Variants in MRPS27 observed in about 807,000 individuals in gnomAD.
MRPS27 encodes the protein small ribosomal subunit protein mS27.
MRPS27 carries 43 observed loss-of-function variants against 48.9 expected under a neutral mutation model. That is an observed-to-expected ratio of 0.88 (90% confidence interval 0.69 to 1.13). The LOEUF is 1.13. Ranked by LOEUF, MRPS27 falls within the 50% of genes most tolerant of loss-of-function variation. The probability of loss-of-function intolerance (pLI) is 0.00; values close to 1 mark genes in which losing one functional copy is unlikely to be tolerated. For missense variants in MRPS27, 467 were observed against 476.3 expected (o/e 0.98, Z 0.18); for synonymous variants, 188 against 171.9 (o/e 1.09, Z -0.73).
At chr5:72,258,679 C>T (rs1412246777) in intron 4 of MRPS27, among the ~76,000 whole-genome samples, 3 of 152,096 alleles carry the variant, frequency 2.0e-5, no homozygotes, top group East Asian at 1.9e-4. Flanking sequence ...AATCAAGGTG[C>T]CATCTTGGAA....
At chr5:72,243,949 A>T (rs947113122) in intron 4 of MRPS27, among the ~76,000 whole-genome samples, 1 of 152,170 alleles carries the variant, frequency 6.6e-6, no homozygotes, top group Admixed American at 6.5e-5. Context: ...TTGCTGGTCA[A>T]TTTAAGCAAA....
chr5:72,272,715 T>C (rs1171591873), intron 4 of MRPS27, among the ~76,000 whole-genome samples: 1 of 152,142 alleles, frequency 6.6e-6, no homozygotes. Context: ...GAGTCTGCCA[T>C]GGAACCTGAA....
chr5:72,245,297 C>T (rs575034986), intron 4 of MRPS27, among the ~76,000 whole-genome samples: 1 of 152,160 alleles, frequency 6.6e-6, no homozygotes, highest in African/African-American at 2.4e-5. Context: ...AACTGGATCC[C>T]GGAACCAGTC....
In MRPS27 at chr5:72,297,644, T is replaced by C. The variant is rs148849864; in HGVS notation, c.210A>G (p.Leu70=). 4.3e-4 allele frequency: 679 copies of C among 1,594,904 alleles called. 3 individuals carry two copies. In the African/African-American group the frequency reaches 8.2e-3, roughly 19 times the overall value. ...TFERKLPVSS[L]TISRLIDNIS... ...AAAATTTTCTTACCCGTGATATTGTTAAAGAACTAACAGGCAACTTTCTCT... is the reference window on the plus strand; with the variant it reads ...AAAATTTTCTTACCCGTGATATTGTCAAAGAACTAACAGGCAACTTTCTCT... Residue 70 remains leucine (L), a synonymous_variant, in exon 3 of 11, where the codon TTA becomes TTG. Coordinates refer to ENST00000261413, the MANE Select transcript of MRPS27 (RefSeq NM_015084.3).
chr5:72,261,560 C>T (rs1364516722), intron 4 of MRPS27, among the ~76,000 whole-genome samples: 1 of 151,284 alleles, frequency 6.6e-6, no homozygotes, highest in Non-Finnish European at 1.5e-5. Context: ...TGCTATCCTG[C>T]ACTTTTGTAC....
intron 4 of MRPS27, among the ~76,000 whole-genome samples, chr5:72,246,034 C>T (rs1748504196): frequency 6.6e-6 from 1 of 152,106 alleles, no homozygotes; most frequent in Non-Finnish European, 1.5e-5. Flanking sequence ...TCTACTGACT[C>T]CTCTATTAAG....
At chr5:72,227,853 A>T (rs1045182684) in intron 8 of MRPS27, 3 of 195,736 alleles carry the variant, frequency 1.5e-5, no homozygotes, top group African/African-American at 6.9e-5. Context: ...TGAAAACAAT[A>T]CCAAAGATAC....
intron 5 of MRPS27, among the ~76,000 whole-genome samples, chr5:72,234,507 C>A (rs1349415679): frequency 6.6e-6 from 1 of 151,878 alleles, no homozygotes; most frequent in Non-Finnish European, 1.5e-5. Context: ...AAAAAAGAAA[C>A]CCACACAACC....
rs532480218 is a variant in MRPS27, at chr5:72,308,168, C to T, written c.151+5913G>A. On this transcript the variant is annotated intron_variant, in intron 2 of 10. Coordinates refer to ENST00000261413, the MANE Select transcript of MRPS27 (RefSeq NM_015084.3). ...CCCCGGCGCTGGGAAACTGCCCTCA[C>T]GCTAGGGCCCTCCCCGAGGAGCTCT... 2.0e-3 allele frequency among the ~76,000 whole-genome samples: 312 copies of T among 152,330 alleles called. 1 individual carries two copies. The Middle Eastern group carries it at 0.027, about 13-fold the overall frequency.
chr5:72,276,872 A>G (rs1392596912), intron 4 of MRPS27, among the ~76,000 whole-genome samples: 1 of 152,184 alleles, frequency 6.6e-6, no homozygotes, highest in Non-Finnish European at 1.5e-5. Context: ...TCTACTAAAA[A>G]TACAAAAAAT....
intron 4 of MRPS27, among the ~76,000 whole-genome samples, chr5:72,245,438 C>A (rs1376695055): frequency 6.6e-6 from 1 of 152,164 alleles, no homozygotes; most frequent in Non-Finnish European, 1.5e-5. Flanking sequence ...CAAACATTTC[C>A]TGATGTCTCC....
chr5:72,230,545 T>A (rs1346041885), intron 7 of MRPS27, among the ~76,000 whole-genome samples: 4 of 152,142 alleles, frequency 2.6e-5, no homozygotes, highest in Admixed American at 1.3e-4. Context: ...TAGCAGACCA[T>A]CTCTTCCTGT....
intron 4 of MRPS27, among the ~76,000 whole-genome samples, chr5:72,294,237 C>T (rs1011373988): frequency 6.6e-6 from 1 of 150,790 alleles, no homozygotes; most frequent in Non-Finnish European, 1.5e-5. Flanking sequence ...CAGAGAAAAA[C>T]GAATACATTT....
chr5:72,228,013 T>A, intron 8 of MRPS27: 1 of 511,498 alleles, frequency 2.0e-6, no homozygotes, highest in Non-Finnish European at 3.4e-6. Flanking sequence ...TTCAGACTGA[T>A]TACCACTGAA....
intron 4 of MRPS27, among the ~76,000 whole-genome samples, chr5:72,242,549 T>G (rs1196998213): frequency 1.0e-4 from 15 of 146,424 alleles, no homozygotes; most frequent in Non-Finnish European, 1.6e-4. Flanking sequence ...AAAAAAAAAG[T>G]GGCCTAGGCA....
chr5:72,235,715 C>T (rs1748185313), intron 5 of MRPS27, among the ~76,000 whole-genome samples: 1 of 152,268 alleles, frequency 6.6e-6, no homozygotes, highest in South Asian at 2.1e-4. Flanking sequence ...ACTGAAAATG[C>T]AGGGGAAGAC....
At chr5:72,270,677 C>T (rs889136052) in intron 4 of MRPS27, among the ~76,000 whole-genome samples, 1 of 152,112 alleles carries the variant, frequency 6.6e-6, no homozygotes. Flanking sequence ...ACAATCCTGA[C>T]GCCAAAACTA....
At chr5:72,265,813 T>C (rs1384584789) in intron 4 of MRPS27, among the ~76,000 whole-genome samples, 3 of 152,200 alleles carry the variant, frequency 2.0e-5, no homozygotes, top group East Asian at 1.9e-4. Flanking sequence ...ACTGTCTTAA[T>C]TGAAAAAGAA....
intron 4 of MRPS27, among the ~76,000 whole-genome samples, chr5:72,291,096 T>C (rs1349537669): frequency 6.6e-6 from 1 of 152,156 alleles, no homozygotes; most frequent in Non-Finnish European, 1.5e-5. Context: ...TCCGGTGCTG[T>C]AGGGAAACTT....
Sources: gnomAD v4.1 joint callset for allele counts (sites outside exome capture counted in the v4.1 genomes callset) on GRCh38, gnomAD v4.1.1 for gene constraint, MANE v1.5 for transcripts, NCBI Gene and HGNC (gene_info 2026-07-23, HGNC 2026-07-21) for gene names.